PRKAA2: variants seen among roughly 807,000 people sequenced by gnomAD.
PRKAA2 encodes the protein protein kinase AMP-activated catalytic subunit alpha 2.
PRKAA2 carries 40 observed loss-of-function variants against 56.3 expected under a neutral mutation model. The observed-to-expected ratio is 0.71, with a 90% CI of 0.55 to 0.92. The LOEUF (loss-of-function observed/expected upper bound fraction) is 0.92. Ranked by LOEUF, PRKAA2 falls within the 40% of genes least tolerant of loss-of-function variation. The pLI is 0.00. For missense variants in PRKAA2, 542 were observed against 686.9 expected (o/e 0.79, Z 2.36); for synonymous variants, 214 against 234.2 (o/e 0.91, Z 0.79).
chr1:56,696,215 A>G (rs1402404790), intron 6 of PRKAA2, 56 bp downstream of exon 6: 37 of 1,482,406 alleles, frequency 2.5e-5, no homozygotes, highest in Admixed American at 3.5e-5. Context: ...TAATAATGTT[A>G]ATTAAATGAT....
intron 1 of PRKAA2, among the ~76,000 whole-genome samples, chr1:56,667,662 T>C: frequency 6.6e-6 from 1 of 152,150 alleles, no homozygotes; most frequent in South Asian, 2.1e-4. Context: ...TAAAATTTCC[T>C]CATACAGTCA....
At chr1:56,655,260 T>TTATATA (rs1553146913) in intron 1 of PRKAA2, among the ~76,000 whole-genome samples, 1 of 71,738 alleles carries the variant, frequency 1.4e-5, no homozygotes, top group African/African-American at 5.9e-5. Context: ...ATGTATGTAT[T>TTATATA]TATATATCTA....
At chr1:56,674,002 T>C (rs1489126263) in intron 1 of PRKAA2, among the ~76,000 whole-genome samples, 1 of 151,734 alleles carries the variant, frequency 6.6e-6, no homozygotes, top group Non-Finnish European at 1.5e-5. Flanking sequence ...TATAATACAA[T>C]GACTGGCATT....
intron 1 of PRKAA2, among the ~76,000 whole-genome samples, chr1:56,655,280 A>ATATATATATATATATATATTTTT: frequency 7.5e-5 from 7 of 93,646 alleles, no homozygotes; most frequent in African/African-American, 3.2e-4. Flanking sequence ...ATATATATAT[A>ATATATATATATATATATATTTTT]TTTTTTTTTT....
Position 56,702,456 on chromosome 1 carries a change from C to T in PRKAA2, c.789-1515C>T, listed in dbSNP as rs183830380. Among the ~76,000 whole-genome samples, 267 of 152,280 alleles carry T rather than the reference C, an allele frequency of 1.8e-3. 3 individuals are homozygous for T. Among genetic ancestry groups the T allele is most frequent in the Middle Eastern group, 0.017 (5 of 294 alleles). On this transcript the variant is annotated intron_variant, in intron 6 of 8. Transcript: ENST00000371244. Reference sequence around the variant, plus strand: ...TTTACAGAATGATAACTAGGTTATGCTACCCTGTCTCTTTAAAATCCTTCA... The same window carrying T: ...TTTACAGAATGATAACTAGGTTATGTTACCCTGTCTCTTTAAAATCCTTCA...
intron 1 of PRKAA2, among the ~76,000 whole-genome samples, chr1:56,651,394 T>A (rs1643897031): frequency 6.6e-6 from 1 of 152,176 alleles, no homozygotes; most frequent in African/African-American, 2.4e-5. Flanking sequence ...TCCTCTAAGT[T>A]TGGTATTATC....
intron 6 of PRKAA2, among the ~76,000 whole-genome samples, chr1:56,698,368 C>G (rs1052480970): frequency 6.6e-6 from 1 of 152,196 alleles, no homozygotes; most frequent in African/African-American, 2.4e-5. Context: ...AACCATTTTA[C>G]AAACCATGAA....
chr1:56,681,809 T>G (rs2100413324), intron 2 of PRKAA2, among the ~76,000 whole-genome samples: 1 of 152,338 alleles, frequency 6.6e-6, no homozygotes, highest in Non-Finnish European at 1.5e-5. Context: ...AGCTTTGTTC[T>G]TTTGGCTTAG....
chr1:56,668,354 T>G (rs1471064652), intron 1 of PRKAA2, among the ~76,000 whole-genome samples: 1 of 150,620 alleles, frequency 6.6e-6, no homozygotes, highest in Non-Finnish European at 1.5e-5. Flanking sequence ...GCATGGCACA[T>G]GTATACATAT....
In PRKAA2 at chr1:56,695,970, G is replaced by A; in HGVS notation, c.599G>A (p.Cys200Tyr). ...GGTCCTGAAGTTGATATCTGGAGCT[G>A]TGGTGTTATCTTGTATGCTCTTCTT... ...YAGPEVDIWS[C>Y]GVILYALLCG... The change falls in exon 6 of 9, where the codon TGT becomes TAT. Residue 200 changes from cysteine (C) to tyrosine (Y), a missense_variant. By Grantham distance (194) the Cys-to-Tyr change is radical. Around this residue, in one of 5 missense-constraint regions of PRKAA2, gnomAD observed 121 missense variants for 210.0 expected, o/e 0.58. Coordinates refer to ENST00000371244, the MANE Select transcript of PRKAA2 (RefSeq NM_006252.4). 1 of 1,612,300 alleles carries A rather than the reference G, an allele frequency of 6.2e-7. No homozygotes were observed. The highest frequency in any genetic ancestry group is 8.5e-7 in the Non-Finnish European group (1 of 1,179,732).
At position 56,707,679 on chromosome 1, in the gene PRKAA2, T is replaced by C. The variant is rs200621520; in HGVS notation, c.1625T>C (p.Met542Thr). 397 of 1,610,118 alleles carry C rather than the reference T, an allele frequency of 2.5e-4. 1 individual carries two copies. Among genetic ancestry groups the C allele is most frequent in the Non-Finnish European group, 3.2e-4 (380 of 1,176,450 alleles). ...LGSHTMDFFE[M>T]CASLITTLAR ...AGTCACACCATGGATTTTTTTGAAA[T>C]GTGTGCCAGTCTGATTACTACTTTA... Residue 542 changes from methionine (M) to threonine (T), a missense_variant, in exon 9 of 9, where the codon ATG becomes ACG. Physicochemically the swap from Met to Thr is moderately conservative, Grantham distance 81. This residue lies in a region of PRKAA2 where 158 missense variants were observed against 166.1 expected (regional missense o/e 0.95). Coordinates refer to ENST00000371244, the MANE Select transcript of PRKAA2 (RefSeq NM_006252.4).
intron 2 of PRKAA2, among the ~76,000 whole-genome samples, chr1:56,682,307 T>A (rs1172646814): frequency 6.6e-6 from 1 of 151,762 alleles, no homozygotes; most frequent in African/African-American, 2.4e-5. Context: ...TGTCACAGAG[T>A]GTGACTAGGA....
rs1475928671 is a variant in PRKAA2 at position 56,711,532 on chromosome 1, A to G, written c.*3819A>G. The G allele has an allele frequency of 5.9e-5, 9 of 152,070 alleles. No individual in the cohort carries two copies. Among genetic ancestry groups the G allele is most frequent in the African/African-American group, 2.2e-4 (9 of 41,426 alleles). 9.4% of individuals were successfully genotyped at this position (152,070 alleles called of 1,614,324 possible). On this transcript the variant is annotated 3_prime_UTR_variant, in exon 9 of 9. Transcript: ENST00000371244. ...TGTCTAAATGCTAGACATGTTCACA[A>G]TTTTGTCTGTTTTTGTTTATTTGTT...
intron 1 of PRKAA2, among the ~76,000 whole-genome samples, chr1:56,665,107 A>G (rs1644026010): frequency 6.6e-6 from 1 of 151,062 alleles, no homozygotes; most frequent in South Asian, 2.1e-4. Flanking sequence ...ACAGCGTCCA[A>G]AAAAAATCCA....
intron 1 of PRKAA2, among the ~76,000 whole-genome samples, chr1:56,668,688 A>G (rs1313096990): frequency 6.6e-6 from 1 of 152,200 alleles, no homozygotes; most frequent in Non-Finnish European, 1.5e-5. Flanking sequence ...ATATTAAAAT[A>G]GAATGAGGAT....
chr1:56,694,817 T>C (rs2100426747), intron 5 of PRKAA2, among the ~76,000 whole-genome samples: 1 of 152,138 alleles, frequency 6.6e-6, no homozygotes, highest in South Asian at 2.1e-4. Context: ...AAGCATTCAG[T>C]CCATTGCAAG....
chr1:56,646,669 T>G (rs1355467642), intron 1 of PRKAA2, among the ~76,000 whole-genome samples: 1 of 152,214 alleles, frequency 6.6e-6, no homozygotes, highest in Non-Finnish European at 1.5e-5. Context: ...GCTGAAGAAA[T>G]GCTGGGTAGG....
At chr1:56,707,388 C>T (rs17848597) in intron 8 of PRKAA2, 87 bp from the exon 9 acceptor site, 38,298 of 1,123,580 alleles carry the variant, frequency 0.034, 1,162 homozygotes, top group East Asian at 0.13. Flanking sequence ...GATGTGTTTA[C>T]TTAATATTCT....
Position 56,707,552 on chromosome 1 carries a change from TC to T in PRKAA2, c.1499del (p.Ser500Ter). The T allele has an allele frequency of 6.2e-7, 1 of 1,614,158 alleles. No individual in the cohort carries two copies. The highest frequency in any genetic ancestry group is 8.5e-7 in the Non-Finnish European group (1 of 1,180,026). On this transcript the variant is annotated frameshift_variant, in exon 9 of 9. Transcript: ENST00000371244. LOFTEE classifies it high-confidence loss of function. Reference sequence around the variant, plus strand: ...TGCTGCTGGCTTACACAGACCAAGATCAAGTTTTGATTCCACAACTGCAGAG... The same window carrying T: ...TGCTGCTGGCTTACACAGACCAAGATAAGTTTTGATTCCACAACTGCAGAG... Reference protein sequence around the residue: ...CSAAGLHRPRSSFDSTTAESH... With the variant: ...CSAAGLHRPRXSFDSTTAESH...
Sources: gnomAD v4.1 joint callset for allele counts (sites outside exome capture counted in the v4.1 genomes callset) on GRCh38, gnomAD v4.1.1 for gene constraint, gnomAD v4.1.1 regional missense constraint, MANE v1.5 for transcripts, NCBI Gene and HGNC (gene_info 2026-07-23, HGNC 2026-07-21) for gene names.